Variants in TP53INP1 observed in about 807,000 individuals in gnomAD.
TP53INP1 encodes tumor protein p53-inducible nuclear protein 1.
TP53INP1 carries 12 observed loss-of-function variants against 21.0 expected under a neutral mutation model. The ratio of observed to expected loss-of-function variants is 0.57; its 90% CI spans 0.37 to 0.93. The LOEUF is 0.93. Among genes scored for constraint, TP53INP1 ranks in the 40% least tolerant of loss-of-function variants. The pLI is 0.01. For missense variants in TP53INP1, 274 were observed against 294.7 expected (o/e 0.93, Z 0.51); for synonymous variants, 91 against 94.8 (o/e 0.96, Z 0.23).
intron 1 of TP53INP1, among the ~76,000 whole-genome samples, chr8:94,948,270 G>A (rs899757213): frequency 4.6e-5 from 7 of 152,180 alleles, no homozygotes; most frequent in African/African-American, 1.4e-4. Flanking sequence ...GTGGCCTTGA[G>A]CAACTTAATC....
At chr8:94,939,095 T>G (rs1821271482) in intron 3 of TP53INP1, among the ~76,000 whole-genome samples, 1 of 152,220 alleles carries the variant, frequency 6.6e-6, no homozygotes, top group South Asian at 2.1e-4. Context: ...ACTGGGTGAC[T>G]GTGCAGTGTG....
At chr8:94,947,298 A>C (rs922081180) in intron 1 of TP53INP1, among the ~76,000 whole-genome samples, 1 of 152,010 alleles carries the variant, frequency 6.6e-6, no homozygotes, top group Non-Finnish European at 1.5e-5. Context: ...AAAAAAAAAA[A>C]AACCCGCAAG....
At chr8:94,932,623 G>T (rs1312611002) in intron 3 of TP53INP1, among the ~76,000 whole-genome samples, 3 of 152,080 alleles carry the variant, frequency 2.0e-5, no homozygotes, top group Non-Finnish European at 4.4e-5. Context: ...CTAAAACAGT[G>T]AAACCCCGTC....
Position 94,928,476 on chromosome 8 carries a change from A to G in TP53INP1, c.*2003T>C, listed in dbSNP as rs953691327. 6 of 152,580 alleles carry G rather than the reference A, an allele frequency of 3.9e-5. No individual in the cohort carries two copies. Among genetic ancestry groups the G allele is most frequent in the Admixed American group, 6.5e-5 (1 of 15,276 alleles). 9.5% of individuals were successfully genotyped at this position (152,580 alleles called of 1,614,324 possible). ...AAACATACACACCTTCATGGAAACT[A>G]TCTTATCTCCCAACTCTGGTAAACA... On this transcript the variant is annotated 3_prime_UTR_variant, in exon 4 of 4. Coordinates refer to ENST00000342697, the MANE Select transcript of TP53INP1 (RefSeq NM_033285.4).
intron 3 of TP53INP1, among the ~76,000 whole-genome samples, chr8:94,935,925 A>G (rs904481619): frequency 7.9e-5 from 12 of 152,202 alleles, no homozygotes; most frequent in Admixed American, 5.9e-4. Flanking sequence ...CTTCATGACA[A>G]TATTAACTGG....
intron 3 of TP53INP1, chr8:94,932,020 G>C: frequency 6.4e-7 from 1 of 1,556,052 alleles, no homozygotes; most frequent in East Asian, 2.3e-5. Context: ...TGGGTCCTTT[G>C]CCTCCCTATG....
In TP53INP1 at chr8:94,939,554, C is replaced by A. The variant is rs184713938; in HGVS notation, c.473+306G>T. ...GGGACTACAGGTGTGCACCACCACA[C>A]CTGGCTAATTTTTTGTTATTTTTTG... is the stretch of plus-strand genomic sequence containing the variant. On this transcript the variant is annotated intron_variant, in intron 3 of 3. Transcript: ENST00000342697. 39 of 323,802 alleles carry A rather than the reference C, an allele frequency of 1.2e-4. No individual in the cohort carries two copies. In the Admixed American group the frequency reaches 1.5e-3, roughly 12 times the overall value. The allele number at this position is 323,802 out of a possible 1,614,324, so 20.1% of individuals were successfully genotyped here. A position where few individuals can be genotyped will look rare whatever the true frequency, so the allele number is the denominator to read the frequency against.
chr8:94,936,923 GAGAC>G (rs1242995864), intron 3 of TP53INP1, among the ~76,000 whole-genome samples: 1 of 152,226 alleles, frequency 6.6e-6, no homozygotes, highest in East Asian at 1.9e-4. Context: ...GCCAGCAAAA[GAGAC>G]AGACTACTGA....
In TP53INP1 at chr8:94,926,405, AAAAC is replaced by A. The variant is rs1006166455; in HGVS notation, c.*4070_*4073del. The A allele has an allele frequency of 3.6e-5, 4 of 111,884 alleles. No homozygotes were observed. The highest frequency in any genetic ancestry group is 1.4e-4 in the African/African-American group (4 of 29,170). The allele number at this position is 111,884 out of a possible 1,614,324, so 6.9% of individuals were successfully genotyped here. A position where few individuals can be genotyped will look rare whatever the true frequency, so the allele number is the denominator to read the frequency against. On this transcript the variant is annotated 3_prime_UTR_variant, in exon 4 of 4. Transcript: ENST00000342697. ...TGTTCACAATTTTACTTGAGAAAAA[AAAAC>A]AAAGCCACTTAAAAAAAAAAAAAAC...
intron 3 of TP53INP1, among the ~76,000 whole-genome samples, chr8:94,933,721 C>T (rs986676304): frequency 7.9e-5 from 12 of 151,054 alleles, no homozygotes; most frequent in African/African-American, 2.0e-4. Flanking sequence ...GCTGAGATCG[C>T]GCCACTGCAC....
At chr8:94,943,314 T>G (rs1821718647) in intron 1 of TP53INP1, among the ~76,000 whole-genome samples, 1 of 152,132 alleles carries the variant, frequency 6.6e-6, no homozygotes, top group Non-Finnish European at 1.5e-5. Context: ...CAAAATAACC[T>G]GTTTCTACAA....
intron 3 of TP53INP1, among the ~76,000 whole-genome samples, chr8:94,935,128 T>TGTAG (rs149916195): frequency 1.4e-5 from 2 of 144,640 alleles, no homozygotes; most frequent in Non-Finnish European, 3.0e-5. Context: ...GGTAGATAGA[T>TGTAG]ATAGATAGAT....
chr8:94,944,758 T>G (rs549050244), intron 1 of TP53INP1, among the ~76,000 whole-genome samples: 7 of 152,352 alleles, frequency 4.6e-5, no homozygotes, highest in South Asian at 2.1e-4. Flanking sequence ...GTTCTGGCTG[T>G]GGCTCTACTA....
At chr8:94,942,911 A>G (rs1293023576) in intron 1 of TP53INP1, among the ~76,000 whole-genome samples, 1 of 152,230 alleles carries the variant, frequency 6.6e-6, no homozygotes, top group Non-Finnish European at 1.5e-5. Context: ...CAGGTCCTGC[A>G]GGGCCTTGTA....
chr8:94,948,814 A>G (rs1822260834), intron 1 of TP53INP1, among the ~76,000 whole-genome samples: 1 of 152,032 alleles, frequency 6.6e-6, no homozygotes, highest in African/African-American at 2.4e-5. Flanking sequence ...CGCGGCCAAG[A>G]AAACAAGCCA....
chr8:94,945,317 C>G (rs923208798), intron 1 of TP53INP1, among the ~76,000 whole-genome samples: 2 of 152,140 alleles, frequency 1.3e-5, no homozygotes, highest in Non-Finnish European at 2.9e-5. Flanking sequence ...TAGTACCCCC[C>G]AAAATGCAAA....
At chr8:94,941,300 A>C (rs1439253593) in intron 1 of TP53INP1, among the ~76,000 whole-genome samples, 1 of 152,216 alleles carries the variant, frequency 6.6e-6, no homozygotes, top group Non-Finnish European at 1.5e-5. Flanking sequence ...AATATCTTAA[A>C]ATGTGAAATA....
At chr8:94,935,418 T>C (rs1319018733) in intron 3 of TP53INP1, among the ~76,000 whole-genome samples, 2 of 152,214 alleles carry the variant, frequency 1.3e-5, no homozygotes, top group Non-Finnish European at 2.9e-5. Flanking sequence ...CTCAGATATT[T>C]CCTAGCTATA....
intron 3 of TP53INP1, among the ~76,000 whole-genome samples, chr8:94,933,633 T>C (rs375324396): frequency 6.6e-6 from 1 of 151,936 alleles, no homozygotes. Context: ...GGTGTGGTAG[T>C]GCACGCCTGT....
Sources: allele counts gnomAD v4.1 joint callset (sites outside exome capture counted in the v4.1 genomes callset), GRCh38; gene constraint gnomAD v4.1.1; transcripts MANE v1.5; gene names NCBI Gene and HGNC (gene_info 2026-07-23, HGNC 2026-07-21).